The following ATAD5 variants were observed in gnomAD, a reference collection of about 807,000 sequenced individuals.
ATAD5 encodes the protein ATPase family AAA domain-containing protein 5.
Under a neutral mutation model 176.9 loss-of-function variants are expected in ATAD5, and 58 were observed. That is an observed-to-expected ratio of 0.33 (90% CI 0.27 to 0.41). The LOEUF (loss-of-function observed/expected upper bound fraction) is 0.41. ATAD5 is among the 10% of genes least tolerant of loss of function. The pLI is 1.00. For synonymous variants in ATAD5, 640 were observed against 712.6 expected (o/e 0.90, Z 1.62); for missense variants, 1,789 against 2,094.1 (o/e 0.85, Z 2.84).
In ATAD5 at chr17:30,834,428, G is replaced by T; in HGVS notation, c.347G>T (p.Arg116Met). ...SNVEFKKKRK[R>M]VNLSHQLNNI... ...GTAGAGTTTAAGAAGAAAAGAAAGA[G>T]GGTTAATTTATCTCATCAACTAAAT... Residue 116 changes from arginine (R) to methionine (M), a missense_variant, in exon 2 of 23, where the codon AGG becomes ATG. Arg to Met is a moderately conservative substitution (Grantham distance 91). This residue lies in a region of ATAD5 where 696 missense variants were observed against 712.5 expected (regional missense o/e 0.98). Transcript: ENST00000321990. 6.3e-7 allele frequency: 1 copy of T among 1,598,538 alleles called. No homozygotes were observed.
At chr17:30,868,511 T>A in intron 12 of ATAD5, 99 bp downstream of exon 12, 1 of 619,814 alleles carries the variant, frequency 1.6e-6, no homozygotes, top group Non-Finnish European at 2.2e-6. Context: ...TTTTTTTAAT[T>A]TTTTTTTTTT....
Position 30,832,369 on chromosome 17 carries a change from G to A in ATAD5, c.22G>A (p.Ala8Thr). 6.4e-7 allele frequency: 1 copy of A among 1,565,180 alleles called. No homozygotes were observed. The highest frequency in any genetic ancestry group is 8.7e-7 in the Non-Finnish European group (1 of 1,154,780). Reference protein sequence around the residue: MVGVLAMAAAAAPPPVKD... With the variant: MVGVLAMTAAAAPPPVKD... ...GAGTATGGTGGGGGTCCTGGCCATG[G>A]CGGCTGCAGCTGCTCCGCCTCCCGT... is the stretch of plus-strand genomic sequence containing the variant. Residue 8 changes from alanine (A) to threonine (T), a missense_variant, in exon 1 of 23, where the codon GCG (alanine) becomes ACG (threonine). Transcript: ENST00000321990.
intron 9 of ATAD5, among the ~76,000 whole-genome samples, chr17:30,858,548 G>A (rs887991094): frequency 1.3e-5 from 2 of 151,884 alleles, no homozygotes; most frequent in African/African-American, 4.8e-5. Flanking sequence ...ATGACGCCCT[G>A]CTAATTTTTG....
chr17:30,844,228 T>G (rs529180677), intron 5 of ATAD5, among the ~76,000 whole-genome samples, 189 bp downstream of exon 5: 1 of 152,198 alleles, frequency 6.6e-6, no homozygotes, highest in East Asian at 1.9e-4. Flanking sequence ...ACCTCCTAAG[T>G]TCAAGTGATT....
intron 6 of ATAD5, among the ~76,000 whole-genome samples, chr17:30,847,467 A>G (rs1039179902): frequency 7.9e-5 from 12 of 151,504 alleles, no homozygotes; most frequent in Non-Finnish European, 1.5e-4. Context: ...AGTAGCTGGG[A>G]TTACAGGCAT....
At chr17:30,890,058 T>C (rs935145774) in intron 19 of ATAD5, among the ~76,000 whole-genome samples, 1 of 151,942 alleles carries the variant, frequency 6.6e-6, no homozygotes, top group Non-Finnish European at 1.5e-5. Context: ...AGCTAACTTT[T>C]TTAATTTTTT....
chr17:30,857,221 A>AT, intron 8 of ATAD5, 109 bp downstream of exon 8: 8 of 1,262,018 alleles, frequency 6.3e-6, no homozygotes, highest in South Asian at 4.8e-5. Context: ...CCTAGAGTTT[A>AT]ATTTTTTTTT....
At chr17:30,841,163 C>A (rs1437391583) in intron 4 of ATAD5, among the ~76,000 whole-genome samples, 1 of 152,122 alleles carries the variant, frequency 6.6e-6, no homozygotes, top group Non-Finnish European at 1.5e-5. Context: ...GTGTGTACCA[C>A]CATGCCCGGC....
At chr17:30,887,109 C>A in intron 18 of ATAD5, 83 bp from the exon 19 acceptor site, 1 of 1,243,866 alleles carries the variant, frequency 8.0e-7, no homozygotes, top group Non-Finnish European at 1.1e-6. Context: ...AAATTTGTCT[C>A]ACTTTTAGAT....
intron 14 of ATAD5, among the ~76,000 whole-genome samples, chr17:30,872,978 T>C (rs1567694111): frequency 6.6e-6 from 1 of 152,224 alleles, no homozygotes. Flanking sequence ...TTTGTTTTTA[T>C]ATCTCAGAGA....
At chr17:30,860,309 C>A in intron 9 of ATAD5, 124 bp from the exon 10 acceptor site, 1 of 1,090,992 alleles carries the variant, frequency 9.2e-7, no homozygotes, top group Non-Finnish European at 1.3e-6. Context: ...GAGGCCTGAG[C>A]CACTGCACCT....
chr17:30,834,413 A>C lies in ATAD5; in HGVS notation c.332A>C (p.Lys111Thr), dbSNP rs752385383. 1 of 1,600,102 alleles carries C rather than the reference A, an allele frequency of 6.2e-7. No individual in the cohort carries two copies. Among genetic ancestry groups the C allele is most frequent in the Non-Finnish European group, 8.5e-7 (1 of 1,174,868 alleles). ...PLEMFSNVEFKKKRKRVNLSH... is the reference protein window; with the variant it reads ...PLEMFSNVEFTKKRKRVNLSH... Reference sequence around the variant, plus strand: ...GAAATGTTCTCAAATGTAGAGTTTAAGAAGAAAAGAAAGAGGGTTAATTTA... The same window carrying C: ...GAAATGTTCTCAAATGTAGAGTTTACGAAGAAAAGAAAGAGGGTTAATTTA... Residue 111 changes from lysine (K) to threonine (T), a missense_variant, in exon 2 of 23, where the codon AAG (lysine) becomes ACG (threonine). Lys to Thr is a moderately conservative substitution (Grantham distance 78). Transcript: ENST00000321990.
chr17:30,833,613 T>C (rs1171134597), intron 1 of ATAD5, among the ~76,000 whole-genome samples: 1 of 152,222 alleles, frequency 6.6e-6, no homozygotes, highest in Admixed American at 6.5e-5. Flanking sequence ...AGAGCCTATG[T>C]ATGTTGCCTT....
At chr17:30,839,045 C>T (rs116420794) in intron 3 of ATAD5, among the ~76,000 whole-genome samples, 4,055 of 151,458 alleles carry the variant, frequency 0.027, 200 homozygotes, top group African/African-American at 0.093. Context: ...AGGCTGGTCT[C>T]GAACTGCTAG....
intron 18 of ATAD5, among the ~76,000 whole-genome samples, chr17:30,884,424 CTTTTT>C (rs61664127): frequency 6.2e-5 from 5 of 80,982 alleles, no homozygotes; most frequent in African/African-American, 1.8e-4. Flanking sequence ...CTTTTCTTTT[CTTTTT>C]TTTTTTTTTT....
In ATAD5 at chr17:30,844,841, T is replaced by C. The variant is rs776751186; in HGVS notation, c.2375T>C (p.Met792Thr). ...NTSTKNVPGK[M>T]KVAPLFLVRK... ...AAGTATTTATTTTTCTAAGGAAAAATGAAAGTCGCTCCTTTATTTCTTGTC... is the reference window on the plus strand; with the variant it reads ...AAGTATTTATTTTTCTAAGGAAAAACGAAAGTCGCTCCTTTATTTCTTGTC... The change falls in exon 6 of 23, where the codon ATG (methionine) becomes ACG (threonine). Residue 792 changes from methionine to threonine, a missense_variant. Coordinates refer to ENST00000321990, the MANE Select transcript of ATAD5 (RefSeq NM_024857.5). 1.9e-6 allele frequency: 3 copies of C among 1,584,040 alleles called. No individual in the cohort carries two copies. Among genetic ancestry groups the C allele is most frequent in the South Asian group, 2.3e-5 (2 of 85,828 alleles).
At chr17:30,878,738 T>TTTTTG (rs1908833874) in intron 17 of ATAD5, among the ~76,000 whole-genome samples, 1 of 125,040 alleles carries the variant, frequency 8.0e-6, no homozygotes, top group African/African-American at 3.0e-5. Flanking sequence ...TTTTTTTTTT[T>TTTTTG]TTTTTTTTTT....
chr17:30,877,912 T>G, intron 16 of ATAD5, 91 bp from the exon 17 acceptor site: 2 of 893,940 alleles, frequency 2.2e-6, no homozygotes, highest in Non-Finnish European at 3.4e-6. Flanking sequence ...AATTCATAAA[T>G]TTTGTCTCTA....
At chr17:30,836,680 G>A (rs1905765888) in intron 2 of ATAD5, among the ~76,000 whole-genome samples, 1 of 152,062 alleles carries the variant, frequency 6.6e-6, no homozygotes, top group Non-Finnish European at 1.5e-5. Context: ...TGATTCTCGT[G>A]CCTCAGCCTC....
Sources: allele counts gnomAD v4.1 joint callset (sites outside exome capture counted in the v4.1 genomes callset), GRCh38; gene constraint gnomAD v4.1.1; regional missense constraint gnomAD v4.1.1; transcripts MANE v1.5; gene names NCBI Gene and HGNC (gene_info 2026-07-23, HGNC 2026-07-21).